Variants in NAA25 observed in about 807,000 individuals in gnomAD.
The protein encoded by NAA25 is N-terminal acetyltransferase B complex subunit NAA25.
NAA25 carries 30 observed loss-of-function variants against 132.5 expected under a neutral mutation model. That is an observed-to-expected ratio of 0.23 (90% CI 0.17 to 0.31). NAA25 has a LOEUF of 0.31. Ranked by LOEUF, NAA25 falls within the 10% of genes least tolerant of loss-of-function variation. The pLI is 1.00. For missense variants in NAA25, 771 were observed against 1,150.4 expected, an observed-to-expected ratio of 0.67 and a Z score of 4.77; for synonymous variants, 359 against 401.9, an observed-to-expected ratio of 0.89 and a Z score of 1.28.
At chr12:112,047,121 TTC>T (rs1264805288) in intron 17 of NAA25, among the ~76,000 whole-genome samples, 4 of 152,160 alleles carry the variant, frequency 2.6e-5, no homozygotes, top group Non-Finnish European at 5.9e-5. Flanking sequence ...GAGCTATACT[TTC>T]TTCATTTGGC....
intron 4 of NAA25, among the ~76,000 whole-genome samples, chr12:112,084,926 A>G (rs1474078896): frequency 6.6e-6 from 1 of 150,960 alleles, no homozygotes; most frequent in Non-Finnish European, 1.5e-5. Context: ...GTGAAACCCC[A>G]TCTCTATTAA....
rs1048941839 is a variant in NAA25 at position 112,104,780 on chromosome 12, G to A, written c.58+3936C>T. ...GAACCCGGAAGGTGGAGCTTGCAGT[G>A]AGCGGAGATCACGCCACTGCACCCC... On this transcript the variant is annotated intron_variant, in intron 1 of 23. Coordinates refer to ENST00000261745, the MANE Select transcript of NAA25 (RefSeq NM_024953.4). 3.3e-5 allele frequency among the ~76,000 whole-genome samples: 5 copies of A among 151,620 alleles called. No homozygotes were observed. The East Asian group carries it at 9.7e-4, about 29-fold the overall frequency.
chr12:112,044,875 TAAAA>T (rs879272275), intron 17 of NAA25, among the ~76,000 whole-genome samples: 1 of 106,964 alleles, frequency 9.3e-6, no homozygotes, highest in Non-Finnish European at 2.0e-5. Flanking sequence ...ACCCAGTCTC[TAAAA>T]AAAAAAAAAA....
At chr12:112,058,941 C>T (rs2078584593) in intron 13 of NAA25, among the ~76,000 whole-genome samples, 1 of 151,444 alleles carries the variant, frequency 6.6e-6, no homozygotes, top group Admixed American at 6.6e-5. Flanking sequence ...ACCTGTAGTC[C>T]CAGCTACTCG....
chr12:112,043,364 A>G (rs2078329906), intron 18 of NAA25, among the ~76,000 whole-genome samples, 153 bp from the exon 19 acceptor site: 1 of 152,242 alleles, frequency 6.6e-6, no homozygotes, highest in African/African-American at 2.4e-5. Flanking sequence ...TACAGTAAAA[A>G]CAGAACATTT....
chr12:112,053,144 G>C (rs1387380935), intron 15 of NAA25, among the ~76,000 whole-genome samples: 5 of 152,200 alleles, frequency 3.3e-5, no homozygotes, highest in Admixed American at 2.6e-4. Context: ...CTTTGGCAAA[G>C]AGCACAATGG....
Position 112,108,714 on chromosome 12 carries a change from A to C in NAA25, c.58+2T>G. 1 of 1,523,482 alleles carries C rather than the reference A, an allele frequency of 6.6e-7. No individual in the cohort carries two copies. Among genetic ancestry groups the C allele is most frequent in the Non-Finnish European group, 8.8e-7 (1 of 1,133,254 alleles). 94.4% of individuals were successfully genotyped at this position (1,523,482 alleles called of 1,614,324 possible). A position where few individuals can be genotyped will look rare whatever the true frequency, so the allele number is the denominator to read the frequency against. ...GCGAGCGGGCTGGTCCAAGACACTC[A>C]CCGTAAATGGGCCGGAGGCGCCTGT... On this transcript the variant is annotated splice_donor_variant, in intron 1 of 23. Transcript: ENST00000261745. LOFTEE classifies it high-confidence loss of function.
intron 1 of NAA25, among the ~76,000 whole-genome samples, chr12:112,095,371 G>C (rs974305441): frequency 5.9e-5 from 9 of 151,672 alleles, no homozygotes; most frequent in African/African-American, 1.7e-4. Context: ...CAGGAGGTGG[G>C]GCTTGCAGTG....
At chr12:112,103,703 C>A (rs939985185) in intron 1 of NAA25, among the ~76,000 whole-genome samples, 1 of 152,256 alleles carries the variant, frequency 6.6e-6, no homozygotes, top group South Asian at 2.1e-4. Flanking sequence ...CATTTATGAA[C>A]TAGAGCAGTG....
chr12:112,094,854 T>C (rs1189962336), intron 1 of NAA25, among the ~76,000 whole-genome samples: 1 of 151,996 alleles, frequency 6.6e-6, no homozygotes, highest in Non-Finnish European at 1.5e-5. Flanking sequence ...GAGATGAGGT[T>C]TCACTATGTT....
chr12:112,084,572 T>C (rs529697079), intron 4 of NAA25, among the ~76,000 whole-genome samples: 1 of 147,118 alleles, frequency 6.8e-6, no homozygotes, highest in South Asian at 2.2e-4. Flanking sequence ...GGGCGGACCA[T>C]GAGGTCAAGA....
At chr12:112,103,979 G>A (rs991308748) in intron 1 of NAA25, among the ~76,000 whole-genome samples, 9 of 152,068 alleles carry the variant, frequency 5.9e-5, no homozygotes, top group African/African-American at 2.2e-4. Flanking sequence ...ACCTCCTACT[G>A]TGCGGCCCAT....
chr12:112,053,509 T>C (rs769330711), intron 15 of NAA25, 49 bp downstream of exon 15: 2 of 1,305,104 alleles, frequency 1.5e-6, no homozygotes, highest in Non-Finnish European at 1.1e-6. Context: ...TCCTCAATAG[T>C]GTGCAGTCAG....
At chr12:112,065,081 T>C (rs1474570892) in intron 11 of NAA25, among the ~76,000 whole-genome samples, 2 of 148,316 alleles carry the variant, frequency 1.3e-5, no homozygotes, top group African/African-American at 2.5e-5. Flanking sequence ...CAGCCAGGCA[T>C]GGTGGCTCAC....
At chr12:112,072,674 C>G (rs2078831669) in intron 9 of NAA25, among the ~76,000 whole-genome samples, 1 of 151,654 alleles carries the variant, frequency 6.6e-6, no homozygotes, top group African/African-American at 2.4e-5. Context: ...TGTGGTGGCT[C>G]ACACCTAAAA....
At chr12:112,043,928 ATTT>A (rs372332897) in intron 17 of NAA25, 60 bp from the exon 18 acceptor site, 1,297 of 1,301,046 alleles carry the variant, frequency 1.0e-3, no homozygotes, top group Middle Eastern at 1.4e-3. Context: ...ATTGCTTTCA[ATTT>A]TTTTTTTTTT....
rs557739044 is a variant in NAA25, at chr12:112,057,761, T to C, written c.1447+2509A>G. ...ATCCCAGCACTTTGGGAGGCCGAGG[T>C]GGGTGGATCACGAGGTCAAGAGATC... On this transcript the variant is annotated intron_variant, in intron 13 of 23. Transcript: ENST00000261745. Among the ~76,000 whole-genome samples the C allele has an allele frequency of 8.6e-4, 131 of 152,062 alleles. 1 individual carries two copies. Among genetic ancestry groups the C allele is most frequent in the South Asian group, 2.5e-3 (12 of 4,816 alleles).
Position 112,032,398 on chromosome 12 carries a change from G to A in NAA25, c.2796+835C>T, listed in dbSNP as rs1027196575. Among the ~76,000 whole-genome samples, 4 of 152,200 alleles carry A rather than the reference G, an allele frequency of 2.6e-5. No individual in the cohort carries two copies. In the South Asian group the frequency reaches 8.3e-4, roughly 31 times the overall value. ...GGGCTTACAATCTCTTAAGGCTGGT[G>A]TGCTAAGGAAAATTCTATTCATTCC... On this transcript the variant is annotated intron_variant, in intron 23 of 23. Coordinates refer to ENST00000261745, the MANE Select transcript of NAA25 (RefSeq NM_024953.4).
At chr12:112,097,106 G>C (rs1474611518) in intron 1 of NAA25, 1 of 152,132 alleles carries the variant, frequency 6.6e-6, no homozygotes, top group Non-Finnish European at 1.5e-5. Flanking sequence ...GCCCACCCCA[G>C]GTTGGACATT....
Sources: gnomAD v4.1 joint callset for allele counts (sites outside exome capture counted in the v4.1 genomes callset) on GRCh38, gnomAD v4.1.1 for gene constraint, MANE v1.5 for transcripts, NCBI Gene and HGNC (gene_info 2026-07-23, HGNC 2026-07-21) for gene names.